The following GSG1L variants were observed in gnomAD, a reference collection of about 807,000 sequenced individuals.
GSG1L encodes germ cell-specific gene 1-like protein.
Under a neutral mutation model 42.1 loss-of-function variants are expected in GSG1L, and 24 were observed. That is an observed-to-expected ratio of 0.57 (90% CI 0.41 to 0.80). The LOEUF (loss-of-function observed/expected upper bound fraction) is 0.80. GSG1L is among the 30% of genes least tolerant of loss of function. The pLI, the probability that GSG1L is intolerant of heterozygous loss-of-function variation, is 0.00. For missense variants in GSG1L, 445 were observed against 472.2 expected, an observed-to-expected ratio of 0.94 and a Z score of 0.53; for synonymous variants, 215 against 203.5, an observed-to-expected ratio of 1.06 and a Z score of -0.48.
At chr16:27,959,226 C>G (rs541290608) in intron 2 of GSG1L, among the ~76,000 whole-genome samples, 1 of 149,668 alleles carries the variant, frequency 6.7e-6, no homozygotes, top group Non-Finnish European at 1.5e-5. Context: ...GGGAGGCCAA[C>G]GTGGGAGGAT....
At chr16:27,816,281 G>A (rs879814121) in intron 5 of GSG1L, among the ~76,000 whole-genome samples, 3 of 152,222 alleles carry the variant, frequency 2.0e-5, no homozygotes, top group Admixed American at 2.0e-4. Context: ...TTTGCAAGAA[G>A]CAGAGGAAGG....
At position 27,794,362 on chromosome 16, in the gene GSG1L, G is replaced by A. The variant is rs143423435; in HGVS notation, c.899-2895C>T. 8.2e-3 allele frequency among the ~76,000 whole-genome samples: 1,216 copies of A among 148,430 alleles called. 17 individuals carry two copies. The highest frequency in any genetic ancestry group is 0.029 in the African/African-American group (1,145 of 40,026). On this transcript the variant is annotated intron_variant, in intron 6 of 6. Transcript: ENST00000447459. ...TTTTTTTTTTTTGAAACGGAGTCTC[G>A]CTCTGTTGCCCAGGCTGGAGTGCAG...
At chr16:27,927,076 TC>T (rs965796470) in intron 2 of GSG1L, among the ~76,000 whole-genome samples, 4 of 152,116 alleles carry the variant, frequency 2.6e-5, no homozygotes, top group South Asian at 2.1e-4. Flanking sequence ...CTGACAGGTC[TC>T]CCATGTCCTC....
rs1294597740 is a variant in GSG1L, at chr16:27,884,589, C to A, written c.447G>T (p.Leu149=). ...GACACATGAGGCTGAAGCCAACCAC[C>A]AGCAGCAGAATGTACAGCACCTCGG... ...VVSEVLYILL[L]VVGFSLMCLE... The change falls in exon 3 of 7, where the codon CTG becomes CTT. Residue 149 remains leucine, a synonymous_variant. Transcript: ENST00000447459. The surrounding 1 kb of genome is among the most constrained non-coding windows in gnomAD (Gnocchi z 4.4). 6.2e-7 allele frequency: 1 copy of A among 1,611,692 alleles called. No homozygotes were observed. The highest frequency in any genetic ancestry group is 1.7e-5 in the Admixed American group (1 of 59,722).
intron 3 of GSG1L, among the ~76,000 whole-genome samples, chr16:27,871,700 A>G (rs2083823073): frequency 1.3e-5 from 2 of 152,234 alleles, no homozygotes; most frequent in African/African-American, 2.4e-5. Context: ...TTATTTAGCC[A>G]TAAAACTAAC....
intron 1 of GSG1L, among the ~76,000 whole-genome samples, chr16:28,029,868 G>A (rs778205695): frequency 2.0e-5 from 3 of 151,030 alleles, no homozygotes; most frequent in African/African-American, 4.9e-5. Context: ...CAAGGATAGC[G>A]TGTGTGTGTG....
At chr16:27,939,353 C>G (rs2084759269) in intron 2 of GSG1L, among the ~76,000 whole-genome samples, 1 of 152,110 alleles carries the variant, frequency 6.6e-6, no homozygotes, top group South Asian at 2.1e-4. Context: ...GTCTCAAACT[C>G]CTGGACTCAA....
At chr16:27,889,181 G>C (rs1025649435) in intron 2 of GSG1L, among the ~76,000 whole-genome samples, 40 of 151,934 alleles carry the variant, frequency 2.6e-4, no homozygotes, top group African/African-American at 8.4e-4. Flanking sequence ...GTAGAGACAG[G>C]GTCTCACTAT....
intron 2 of GSG1L, among the ~76,000 whole-genome samples, chr16:27,931,008 T>A (rs1392850406): frequency 6.6e-6 from 1 of 152,164 alleles, no homozygotes; most frequent in Non-Finnish European, 1.5e-5. Context: ...CGCCTCGGCC[T>A]CCCAAACTGC....
intron 2 of GSG1L, among the ~76,000 whole-genome samples, chr16:27,896,087 A>C (rs2084188900): frequency 6.6e-6 from 1 of 152,154 alleles, no homozygotes; most frequent in Non-Finnish European, 1.5e-5. Flanking sequence ...TCAGGTCCCT[A>C]GCTGACTCCA....
chr16:27,893,862 C>T (rs979325144), intron 2 of GSG1L, among the ~76,000 whole-genome samples: 1 of 152,198 alleles, frequency 6.6e-6, no homozygotes, highest in African/African-American at 2.4e-5. Flanking sequence ...AAGCGATCCT[C>T]CCACTTCAGC....
intron 3 of GSG1L, among the ~76,000 whole-genome samples, chr16:27,849,880 G>A (rs62031124): frequency 0.31 from 46,667 of 150,286 alleles, 7,969 homozygotes; most frequent in African/African-American, 0.45. Flanking sequence ...CTGCACACAG[G>A]TGGTATCCCT....
chr16:28,052,326 G>A (rs1482466425), intron 1 of GSG1L, among the ~76,000 whole-genome samples: 5 of 151,726 alleles, frequency 3.3e-5, no homozygotes, highest in East Asian at 1.9e-4. Flanking sequence ...ATTGGGTCTC[G>A]CTATGTTGCC....
intron 2 of GSG1L, among the ~76,000 whole-genome samples, chr16:27,915,978 G>C (rs2084450893): frequency 6.6e-6 from 1 of 152,130 alleles, no homozygotes; most frequent in Non-Finnish European, 1.5e-5. Flanking sequence ...CCCCTTTGCA[G>C]TGATACATCA....
At chr16:27,956,002 T>C (rs2085001004) in intron 2 of GSG1L, among the ~76,000 whole-genome samples, 1 of 152,046 alleles carries the variant, frequency 6.6e-6, no homozygotes, top group Non-Finnish European at 1.5e-5. Context: ...GGAAGTGTTA[T>C]TATAATTAGC....
chr16:27,831,658 G>A (rs181538878), intron 4 of GSG1L, among the ~76,000 whole-genome samples: 1 of 152,316 alleles, frequency 6.6e-6, no homozygotes, highest in Admixed American at 6.5e-5. Context: ...AGAGCCCAAG[G>A]GCCCCAGAAA....
chr16:28,046,903 G>C (rs2086167478), intron 1 of GSG1L, among the ~76,000 whole-genome samples: 2 of 152,212 alleles, frequency 1.3e-5, no homozygotes, highest in Admixed American at 1.3e-4. Context: ...CCTGCTCAGA[G>C]AGGGAAAAGT....
intron 1 of GSG1L, among the ~76,000 whole-genome samples, chr16:28,051,787 T>A (rs1450128179): frequency 2.6e-5 from 4 of 152,004 alleles, no homozygotes; most frequent in African/African-American, 9.7e-5. Context: ...ACGGGGCAGG[T>A]GATGGCAGGT....
intron 1 of GSG1L, among the ~76,000 whole-genome samples, chr16:28,055,628 C>A (rs1191626871): frequency 6.6e-6 from 1 of 152,058 alleles, no homozygotes; most frequent in Non-Finnish European, 1.5e-5. Flanking sequence ...CCTGCCACCA[C>A]CCGGCTAATT....
Sources: gnomAD v4.1 joint callset for allele counts (sites outside exome capture counted in the v4.1 genomes callset) on GRCh38, gnomAD v4.1.1 for gene constraint, Gnocchi (gnomAD v3.1) non-coding constraint, MANE v1.5 for transcripts, NCBI Gene and HGNC (gene_info 2026-07-23, HGNC 2026-07-21) for gene names.